Variants in WDPCP observed in about 807,000 individuals in gnomAD.
The protein encoded by WDPCP is WD repeat containing planar cell polarity effector.
A neutral mutation model predicts 93.1 loss-of-function variants in WDPCP; 71 were observed. The observed-to-expected ratio is 0.76, with a 90% CI of 0.63 to 0.93. The LOEUF is 0.93. Ranked by LOEUF, WDPCP falls within the 40% of genes least tolerant of loss-of-function variation. WDPCP has a pLI of 0.00. For missense variants in WDPCP, 844 were observed against 887.4 expected, an observed-to-expected ratio of 0.95 and a Z score of 0.62; for synonymous variants, 315 against 315.0, an observed-to-expected ratio of 1.00 and a Z score of 0.00.
chr2:63,817,186 C>T (rs908395165), intron 1 of WDPCP, among the ~76,000 whole-genome samples: 6 of 151,516 alleles, frequency 4.0e-5, no homozygotes, highest in African/African-American at 1.2e-4. Flanking sequence ...CTTGGCTCAG[C>T]GCCACCTCTG....
chr2:63,159,066 G>A (rs1672472424), intron 15 of WDPCP, among the ~76,000 whole-genome samples: 1 of 151,384 alleles, frequency 6.6e-6, no homozygotes, highest in South Asian at 2.1e-4. Context: ...TGAGGCAGGA[G>A]GATCGCTTGA....
intron 9 of WDPCP, among the ~76,000 whole-genome samples, chr2:63,416,627 G>A (rs564680315): frequency 6.6e-6 from 1 of 151,548 alleles, no homozygotes; most frequent in African/African-American, 2.4e-5. Context: ...TGGTTCAAAC[G>A]ATTCTCATGC....
chr2:63,389,245 C>T (rs996287164), intron 10 of WDPCP, among the ~76,000 whole-genome samples: 1 of 152,176 alleles, frequency 6.6e-6, no homozygotes, highest in Admixed American at 6.5e-5. Context: ...GGCAAATATT[C>T]AACATTCTTA....
chr2:63,662,928 C>T (rs1710242216), intron 2 of WDPCP, among the ~76,000 whole-genome samples: 1 of 152,202 alleles, frequency 6.6e-6, no homozygotes, highest in African/African-American at 2.4e-5. Flanking sequence ...TTTCATGAGT[C>T]TGAAAACAGT....
upstream of WDPCP, among the ~76,000 whole-genome samples, chr2:63,828,117 T>C (rs1477144476): frequency 6.6e-6 from 1 of 152,092 alleles, no homozygotes; most frequent in East Asian, 1.9e-4. Flanking sequence ...CTTTTCTCCC[T>C]GGATGTTTTT....
chr2:63,589,437 C>G, upstream of WDPCP: 4 of 1,509,016 alleles, frequency 2.7e-6, no homozygotes, highest in Non-Finnish European at 3.6e-6. Context: ...TCCTCATTTG[C>G]CCACAGTGTT....
Position 63,588,254 on chromosome 2 carries a change from G to C in WDPCP, c.18C>G (p.Cys6Trp), listed in dbSNP as rs1362032318. Residue 6 changes from cysteine (C) to tryptophan (W), a missense_variant, in exon 1 of 18, where the codon TGC becomes TGG. Transcript: ENST00000272321. MRREF[C>W]WDAYSKAAGS... Reference sequence around the variant, plus strand: ...CGGCCGCTTTGGAGTAGGCGTCCCAGCAAAACTCTCGCCTCATCACCAGAC... The same window carrying C: ...CGGCCGCTTTGGAGTAGGCGTCCCACCAAAACTCTCGCCTCATCACCAGAC... 1 of 1,576,656 alleles carries C rather than the reference G, an allele frequency of 6.3e-7. No homozygotes were observed. Among genetic ancestry groups the C allele is most frequent in the Admixed American group, 1.8e-5 (1 of 57,132 alleles).
intron 2 of WDPCP, among the ~76,000 whole-genome samples, chr2:63,796,491 A>G (rs538594763): frequency 6.6e-6 from 1 of 152,366 alleles, no homozygotes; most frequent in South Asian, 2.1e-4. Flanking sequence ...AATTGCTGGT[A>G]CTACCCCCTC....
chr2:63,806,032 T>C (rs1236562984), intron 2 of WDPCP, among the ~76,000 whole-genome samples: 1 of 152,096 alleles, frequency 6.6e-6, no homozygotes, highest in Non-Finnish European at 1.5e-5. Context: ...GAGAATCACT[T>C]GCACCCAGGA....
intron 6 of WDPCP, among the ~76,000 whole-genome samples, chr2:63,466,435 T>C (rs1699350037): frequency 6.6e-6 from 1 of 152,284 alleles, no homozygotes; most frequent in East Asian, 1.9e-4. Context: ...ATATCACGAA[T>C]ATAAATTTGC....
At chr2:63,722,101 T>G (rs1163758207) in intron 2 of WDPCP, among the ~76,000 whole-genome samples, 2 of 152,218 alleles carry the variant, frequency 1.3e-5, no homozygotes, top group Admixed American at 6.5e-5. Context: ...CCCCGCCGCC[T>G]GCCTTGGCCT....
At chr2:63,694,718 A>G (rs1259413728) in intron 2 of WDPCP, among the ~76,000 whole-genome samples, 2 of 152,156 alleles carry the variant, frequency 1.3e-5, no homozygotes, top group Non-Finnish European at 2.9e-5. Context: ...ATGAAATGGA[A>G]TTCTGACTTT....
chr2:63,605,979 C>T, intron 3 of WDPCP: 2 of 1,614,140 alleles, frequency 1.2e-6, no homozygotes, highest in Non-Finnish European at 8.5e-7. Context: ...GATGGCAACT[C>T]CTATGGTGTT....
chr2:63,618,998 A>G lies in WDPCP; in HGVS notation n.488+31661T>C, dbSNP rs1709703521. ...GCCACTGCGTCCAGCCTGGATAATC[A>G]TTTTTTGTTTTAAATGGGTTGTAAA... On this transcript the variant is annotated intron_variant and non_coding_transcript_variant, in intron 3 of 4. Coordinates refer to the WDPCP transcript ENST00000467687. Among the ~76,000 whole-genome samples, 5 of 152,126 alleles carry G rather than the reference A, an allele frequency of 3.3e-5. No individual in the cohort carries two copies. In the South Asian group the frequency reaches 1.0e-3, roughly 31 times the overall value.
chr2:63,793,585 C>T (rs1436655689), intron 2 of WDPCP, among the ~76,000 whole-genome samples: 10 of 151,924 alleles, frequency 6.6e-5, no homozygotes, highest in African/African-American at 1.5e-4. Context: ...CACCTAAGCC[C>T]GGGTGACAGA....
At chr2:63,692,260 T>C (rs2103673397) in intron 2 of WDPCP, among the ~76,000 whole-genome samples, 1 of 152,246 alleles carries the variant, frequency 6.6e-6, no homozygotes, top group East Asian at 1.9e-4. Flanking sequence ...CTGATGTATG[T>C]GTAAATCATT....
rs750564657 is a variant in WDPCP, at chr2:63,486,591, T to C, written c.209-5A>G. 8.9e-6 allele frequency: 14 copies of C among 1,572,292 alleles called. No homozygotes were observed. Among genetic ancestry groups the C allele is most frequent in the Non-Finnish European group, 1.1e-5 (13 of 1,155,626 alleles). ...CTAAGTTACCATGCTCTGTCGCTGA[T>C]ATTGTGGCAGAAGGGATAGAAAGAA... On this transcript the variant is annotated splice_region_variant and splice_polypyrimidine_tract_variant and intron_variant, in intron 3 of 17. Coordinates refer to ENST00000272321, the MANE Select transcript of WDPCP (RefSeq NM_015910.7).
intron 9 of WDPCP, among the ~76,000 whole-genome samples, chr2:63,408,853 C>A (rs1174169147): frequency 6.6e-6 from 1 of 152,082 alleles, no homozygotes; most frequent in East Asian, 1.9e-4. Flanking sequence ...ATCCAGTGAC[C>A]TGGGAATGTC....
intron 1 of WDPCP, among the ~76,000 whole-genome samples, chr2:63,815,295 A>T (rs1012946928): frequency 6.6e-6 from 1 of 152,234 alleles, no homozygotes; most frequent in Non-Finnish European, 1.5e-5. Flanking sequence ...CAAATATTCA[A>T]TAAGAAACCA....
Sources: allele counts gnomAD v4.1 joint callset (sites outside exome capture counted in the v4.1 genomes callset), GRCh38; gene constraint gnomAD v4.1.1; transcripts MANE v1.5; gene names NCBI Gene and HGNC (gene_info 2026-07-23, HGNC 2026-07-21).